DPEP2: variants seen among roughly 807,000 people sequenced by gnomAD.
DPEP2 encodes the protein dipeptidase 2.
In DPEP2, 45 loss-of-function variants were observed where a neutral mutation model predicts 51.8. The observed-to-expected ratio is 0.87, with a 90% CI of 0.68 to 1.11. The LOEUF (loss-of-function observed/expected upper bound fraction) is 1.11. Ranked by LOEUF, DPEP2 falls within the 50% of genes most tolerant of loss-of-function variation. DPEP2 has a pLI of 0.00. For missense variants in DPEP2, 604 were observed against 631.9 expected (o/e 0.96, Z 0.47); for synonymous variants, 255 against 262.7 (o/e 0.97, Z 0.28).
chr16:67,999,168 G>A (rs1049409376), intron 1 of DPEP2: 1 of 154,442 alleles, frequency 6.5e-6, no homozygotes, highest in Non-Finnish European at 1.4e-5. Flanking sequence ...CACTCACCGC[G>A]AAGGTCTGCA....
intron 1 of DPEP2, among the ~76,000 whole-genome samples, chr16:67,997,679 T>C (rs567039751): frequency 9.9e-5 from 15 of 152,036 alleles, no homozygotes; most frequent in Admixed American, 7.9e-4. Context: ...ATGGAAGAAA[T>C]AGGTATGGCT....
chr16:67,989,220 C>A, intron 9 of DPEP2, 103 bp downstream of exon 9: 1 of 1,257,790 alleles, frequency 8.0e-7, no homozygotes, highest in Non-Finnish European at 1.1e-6. Flanking sequence ...AGAACTGATC[C>A]CGGGAGTGTG....
chr16:68,000,093 AT>A, upstream of DPEP2, among the ~76,000 whole-genome samples: 1 of 152,156 alleles, frequency 6.6e-6, no homozygotes, highest in East Asian at 1.9e-4. Flanking sequence ...CACCTCAGTG[AT>A]GCTACGTCCC....
chr16:68,000,538 T>A, upstream of DPEP2: 1 of 968,174 alleles, frequency 1.0e-6, no homozygotes, highest in Non-Finnish European at 1.2e-6. Flanking sequence ...TCGCCCTGGA[T>A]CTGCTCCCAT....
In DPEP2 at chr16:67,993,517, T is replaced by G. The variant is rs1028003128; in HGVS notation, c.-45-260A>C. Reference sequence around the variant, plus strand: ...CGGCCTGTCTTAGGGCCCTCCACCCTCCCTTTTACTCCTCCCACTGTCCCC... The same window carrying G: ...CGGCCTGTCTTAGGGCCCTCCACCCGCCCTTTTACTCCTCCCACTGTCCCC... On this transcript the variant is annotated intron_variant, in intron 1 of 10. Coordinates refer to ENST00000393847, the MANE Select transcript of DPEP2 (RefSeq NM_022355.4). 19 of 1,135,424 alleles carry G rather than the reference T, an allele frequency of 1.7e-5. No individual in the cohort carries two copies. The Admixed American group carries it at 7.7e-4, about 46-fold the overall frequency. 70.3% of individuals were successfully genotyped at this position (1,135,424 alleles called of 1,614,324 possible).
At chr16:67,993,753 G>A in intron 1 of DPEP2, 3 of 985,882 alleles carry the variant, frequency 3.0e-6, no homozygotes, top group Non-Finnish European at 3.6e-6. Context: ...TGGATTTCCT[G>A]GTGCTGGGTT....
At chr16:68,000,110 A>T (rs1203647719), upstream of DPEP2, among the ~76,000 whole-genome samples, 1 of 152,154 alleles carries the variant, frequency 6.6e-6, no homozygotes, top group East Asian at 1.9e-4. Flanking sequence ...GTCCCCCCAT[A>T]GAGCCTTGGC....
At position 67,990,974 on chromosome 16, in the gene DPEP2, G is replaced by A; in HGVS notation, c.756C>T (p.Arg252=). The change falls in exon 7 of 11, where the codon CGC becomes CGT. Residue 252 remains arginine, a synonymous_variant. Transcript: ENST00000393847. ...GGGATAAGTCTACCATCATGCCCAG[G>A]CGGTTCATTTCTGCCACCACCTTCT... ...FGEKVVAEMN[R]LGMMVDLSHV... is the part of the protein sequence containing the mutation. The A allele has an allele frequency of 3.7e-6, 6 of 1,614,144 alleles. No individual in the cohort carries two copies. The highest frequency in any genetic ancestry group is 5.1e-6 in the Non-Finnish European group (6 of 1,179,960).
chr16:67,993,532 C>G, intron 1 of DPEP2: 1 of 1,100,730 alleles, frequency 9.1e-7, no homozygotes, highest in Non-Finnish European at 1.1e-6. Flanking sequence ...TTTACTCCTC[C>G]CACTGTCCCC....
intron 1 of DPEP2, 154 bp from the exon 2 acceptor site, chr16:67,993,411 AGG>A: frequency 8.0e-7 from 1 of 1,254,832 alleles, no homozygotes. Flanking sequence ...TACGGCCACC[AGG>A]GGGCGCCCAG....
intron 8 of DPEP2, among the ~76,000 whole-genome samples, chr16:67,989,829 C>T (rs1016531713): frequency 2.6e-5 from 4 of 152,210 alleles, no homozygotes; most frequent in Non-Finnish European, 5.9e-5. Flanking sequence ...CCTGCAGAGG[C>T]GCAGATAGTT....
chr16:68,000,418 G>A, upstream of DPEP2: 1 of 985,092 alleles, frequency 1.0e-6, no homozygotes, highest in African/African-American at 1.7e-5. Flanking sequence ...CATGCTCAGA[G>A]CGCAGAGGTG....
chr16:67,992,944 A>G lies in DPEP2; in HGVS notation c.263+6T>C. ...CTCCCATCGCCCCCTTGCAGCAATT[A>G]CGCACCCGTCCACGAGCGGGAAGTC... On this transcript the variant is annotated splice_donor_region_variant and intron_variant, in intron 2 of 10. Transcript: ENST00000393847. 3 of 1,608,164 alleles carry G rather than the reference A, an allele frequency of 1.9e-6. No homozygotes were observed. The East Asian group carries it at 6.7e-5, about 36-fold the overall frequency.
At position 67,991,118 on chromosome 16, in the gene DPEP2, A is replaced by C; in HGVS notation, c.729T>G (p.Gly243=). The C allele has an allele frequency of 1.9e-6, 3 of 1,614,158 alleles. No homozygotes were observed. Among genetic ancestry groups the C allele is most frequent in the Non-Finnish European group, 2.5e-6 (3 of 1,180,016 alleles). Residue 243 remains glycine (G), a synonymous_variant, in exon 6 of 11, where the codon GGT becomes GGG. Coordinates refer to ENST00000393847, the MANE Select transcript of DPEP2 (RefSeq NM_022355.4). The surrounding 1 kb of genome is among the most constrained non-coding windows in gnomAD (Gnocchi z 5.1). The part of the protein sequence containing the change: ...YNNISGLTDF[G]EKVVAEMNRL... Reference sequence around the variant, plus strand: ...GAGTGTGAACCAGGGTCCTCACCTCACCAAAGTCAGTCAGCCCGCTGATGT... The same window carrying C: ...GAGTGTGAACCAGGGTCCTCACCTCCCCAAAGTCAGTCAGCCCGCTGATGT...
intron 1 of DPEP2, among the ~76,000 whole-genome samples, chr16:67,997,547 G>A (rs867526747): frequency 3.3e-5 from 5 of 151,982 alleles, no homozygotes; most frequent in Middle Eastern, 6.8e-3. Context: ...TAGTAGAGAC[G>A]GGGTTTCACC....
chr16:67,991,370 CTTTTTTTT>C lies in DPEP2; in HGVS notation c.663-194_663-187del, dbSNP rs918452974. On this transcript the variant is annotated intron_variant, in intron 5 of 10. Coordinates refer to ENST00000393847, the MANE Select transcript of DPEP2 (RefSeq NM_022355.4). This position sits in a 1 kb window ranked among gnomAD's most constrained non-coding sequence, Gnocchi z 5.1. Reference sequence around the variant, plus strand: ...TGGGTCCAGTCTTTTTTTTCCTTTTCTTTTTTTTTTTTTTTTGGCAATAGAGTCTCGCT... The same window carrying C: ...TGGGTCCAGTCTTTTTTTTCCTTTTCTTTTTTTTGGCAATAGAGTCTCGCT... Among the ~76,000 whole-genome samples the C allele has an allele frequency of 9.5e-5, 13 of 137,466 alleles. No individual in the cohort carries two copies. Among genetic ancestry groups the C allele is most frequent in the African/African-American group, 3.2e-4 (12 of 37,358 alleles). 90.2% of individuals were successfully genotyped at this position (137,466 alleles called of 152,430 possible).
At chr16:67,998,985 A>G (rs1793931059) in intron 1 of DPEP2, among the ~76,000 whole-genome samples, 1 of 152,144 alleles carries the variant, frequency 6.6e-6, no homozygotes, top group Non-Finnish European at 1.5e-5. Flanking sequence ...GGCTCTACCA[A>G]TCAGCAGGAT....
intron 1 of DPEP2, among the ~76,000 whole-genome samples, chr16:67,998,075 G>C (rs969112519): frequency 1.3e-5 from 2 of 152,022 alleles, no homozygotes; most frequent in Non-Finnish European, 2.9e-5. Flanking sequence ...GCCCTCGCTC[G>C]CTCTCGGGGC....
In DPEP2 at chr16:67,991,205, A is replaced by C. The variant is rs903438787; in HGVS notation, c.663-21T>G. ...CTGCCCTGCAGGGTGGCCAGGAAGCAGTCTGACTGGTAGCTGTTCCTCGGC... is the reference window on the plus strand; with the variant it reads ...CTGCCCTGCAGGGTGGCCAGGAAGCCGTCTGACTGGTAGCTGTTCCTCGGC... On this transcript the variant is annotated intron_variant, in intron 5 of 10. Coordinates refer to ENST00000393847, the MANE Select transcript of DPEP2 (RefSeq NM_022355.4). This position sits in a 1 kb window ranked among gnomAD's most constrained non-coding sequence, Gnocchi z 5.1. The C allele has an allele frequency of 3.7e-6, 6 of 1,611,794 alleles. No homozygotes were observed. In the African/African-American group the frequency reaches 8.0e-5, roughly 22 times the overall value.
Sources: allele counts gnomAD v4.1 joint callset (sites outside exome capture counted in the v4.1 genomes callset), GRCh38; gene constraint gnomAD v4.1.1; non-coding constraint Gnocchi (gnomAD v3.1); transcripts MANE v1.5; gene names NCBI Gene and HGNC (gene_info 2026-07-23, HGNC 2026-07-21).